The following RHOT1 variants were observed in gnomAD, a reference collection of about 807,000 sequenced individuals.
The protein encoded by RHOT1 is ras homolog family member T1.
Under a neutral mutation model 95.3 loss-of-function variants are expected in RHOT1, and 27 were observed. The ratio of observed to expected loss-of-function variants is 0.28; its 90% CI spans 0.21 to 0.39. RHOT1 has a LOEUF of 0.39. Among genes scored for constraint, RHOT1 ranks in the 10% least tolerant of loss-of-function variants. RHOT1 has a pLI of 1.00. For missense variants in RHOT1, 578 were observed against 786.7 expected (o/e 0.73, Z 3.17); for synonymous variants, 227 against 263.5 (o/e 0.86, Z 1.34).
chr17:32,185,599 G>A (rs994815184), intron 8 of RHOT1, among the ~76,000 whole-genome samples: 1 of 151,726 alleles, frequency 6.6e-6, no homozygotes, highest in African/African-American at 2.4e-5. Context: ...TAGAAGATGG[G>A]GTTTCACCAT....
chr17:32,194,257 C>A, intron 11 of RHOT1, 150 bp downstream of exon 11: 1 of 733,450 alleles, frequency 1.4e-6, no homozygotes, highest in Non-Finnish European at 2.3e-6. Context: ...AGGCATTGAG[C>A]CATGCCCAGT....
rs191457576 is a variant in RHOT1 at position 32,206,984 on chromosome 17, T to C, written c.1491T>C (p.Asp497=). ...IICDVVCLVY[D]VSNPKSFEYC... ...GTGATGTTGTATGCCTGGTATATGA[T>C]GTCAGCAATCCCAAATCCTTTGAAT... The change falls in exon 17 of 20, where the codon GAT becomes GAC. Residue 497 remains aspartate, a synonymous_variant. Coordinates refer to ENST00000545287, the MANE Select transcript of RHOT1 (RefSeq NM_001033566.3). 1.9e-6 allele frequency: 3 copies of C among 1,613,302 alleles called. No homozygotes were observed. The highest frequency in any genetic ancestry group is 2.2e-5 in the East Asian group (1 of 44,818).
intron 15 of RHOT1, among the ~76,000 whole-genome samples, chr17:32,203,135 A>T (rs988441160): frequency 3.3e-5 from 5 of 152,106 alleles, no homozygotes; most frequent in African/African-American, 9.7e-5. Flanking sequence ...ATGACTACAG[A>T]TGTGAAAGCA....
At chr17:32,204,085 A>ATT in intron 16 of RHOT1, 112 bp downstream of exon 16, 4 of 676,586 alleles carry the variant, frequency 5.9e-6, no homozygotes, top group Non-Finnish European at 7.2e-6. Flanking sequence ...CTTCTGTGTG[A>ATT]TTTTTTTTTT....
intron 16 of RHOT1, among the ~76,000 whole-genome samples, chr17:32,206,135 A>G (rs1196679774): frequency 6.7e-6 from 1 of 148,752 alleles, no homozygotes; most frequent in East Asian, 2.0e-4. Flanking sequence ...TAAACAATGC[A>G]TGTAGAGGGC....
chr17:32,203,838 A>G (rs2037502451), intron 15 of RHOT1, 52 bp from the exon 16 acceptor site: 4 of 1,273,472 alleles, frequency 3.1e-6, no homozygotes, highest in Admixed American at 3.4e-5. Context: ...ATGTTTGTAT[A>G]TTGTTGAAAA....
chr17:32,219,177 T>A (rs1478541520), intron 19 of RHOT1, among the ~76,000 whole-genome samples: 5 of 152,188 alleles, frequency 3.3e-5, no homozygotes, highest in Non-Finnish European at 7.3e-5. Flanking sequence ...TAAAAATGAC[T>A]CTCTGGAGCT....
At chr17:32,162,303 A>G (rs556232633) in intron 1 of RHOT1, among the ~76,000 whole-genome samples, 4 of 152,338 alleles carry the variant, frequency 2.6e-5, no homozygotes, top group African/African-American at 7.2e-5. Flanking sequence ...CACTCCTATC[A>G]TATAGGAAAT....
intron 13 of RHOT1, among the ~76,000 whole-genome samples, chr17:32,200,378 G>A (rs1005270758): frequency 5.9e-5 from 9 of 151,994 alleles, no homozygotes; most frequent in African/African-American, 2.2e-4. Context: ...GCTTATGTTT[G>A]TAAGCTTAGT....
rs113030149 is a variant in RHOT1, at chr17:32,165,331, C to T, written c.38-5712C>T. 6.0e-3 allele frequency among the ~76,000 whole-genome samples: 698 copies of T among 115,584 alleles called. 11 individuals are homozygous for T. Among genetic ancestry groups the T allele is most frequent in the African/African-American group, 0.023 (628 of 27,908 alleles). 75.8% of individuals were successfully genotyped at this position (115,584 alleles called of 152,430 possible). On this transcript the variant is annotated intron_variant, in intron 1 of 19. Coordinates refer to ENST00000545287, the MANE Select transcript of RHOT1 (RefSeq NM_001033566.3). ...CAGCCTGGGCGACAGAGCAAGACTC[C>T]GTCTCAAAAAAAAAAAAAAAAAAAA...
intron 6 of RHOT1, among the ~76,000 whole-genome samples, chr17:32,182,127 T>A (rs2035684977): frequency 6.6e-6 from 1 of 152,214 alleles, no homozygotes; most frequent in Non-Finnish European, 1.5e-5. Flanking sequence ...CCTATTTATT[T>A]CCTGCATAGT....
chr17:32,142,643 G>C lies in RHOT1; in HGVS notation c.-50G>C, dbSNP rs893173993. The stretch of plus-strand genomic sequence containing the variant: ...GTGGGGTGGGTGCTCCTGGTGAGAG[G>C]AGTCCACTCCGTGCGTGCGGGCGGA... On this transcript the variant is annotated 5_prime_UTR_variant, in exon 1 of 20. Transcript: ENST00000545287. 4.8e-5 allele frequency: 72 copies of C among 1,489,546 alleles called. No homozygotes were observed. The highest frequency in any genetic ancestry group is 6.0e-5 in the Non-Finnish European group (67 of 1,121,484). The allele number at this position is 1,489,546 out of a possible 1,614,324, so 92.3% of individuals were successfully genotyped here. A position where few individuals can be genotyped will look rare whatever the true frequency, so the allele number is the denominator to read the frequency against.
chr17:32,214,383 GA>G (rs1762618321), intron 19 of RHOT1, among the ~76,000 whole-genome samples: 1 of 152,154 alleles, frequency 6.6e-6, no homozygotes, highest in Non-Finnish European at 1.5e-5. Context: ...GCTTTGGTGT[GA>G]AATTTCCAGA....
At chr17:32,183,339 G>A in intron 8 of RHOT1, 67 bp downstream of exon 8, 1 of 856,886 alleles carries the variant, frequency 1.2e-6, no homozygotes, top group South Asian at 3.7e-5. Context: ...GTGATTTTTA[G>A]TAACTCTTAA....
intron 1 of RHOT1, among the ~76,000 whole-genome samples, chr17:32,153,486 C>T (rs548209854): frequency 2.0e-5 from 3 of 152,136 alleles, no homozygotes; most frequent in African/African-American, 7.2e-5. Flanking sequence ...TAATGAGAAC[C>T]TATCTGTACA....
intron 19 of RHOT1, among the ~76,000 whole-genome samples, chr17:32,221,370 C>CA (rs397805349): frequency 0.032 from 2,165 of 67,742 alleles, 27 homozygotes; most frequent in African/African-American, 0.078. Flanking sequence ...TCGTCTGTCT[C>CA]AAAAAAAAAA....
intron 1 of RHOT1, among the ~76,000 whole-genome samples, chr17:32,146,065 A>C (rs959382489): frequency 6.6e-6 from 1 of 152,196 alleles, no homozygotes; most frequent in Admixed American, 6.5e-5. Flanking sequence ...CTTAGAATAA[A>C]GTCCAAACTT....
intron 17 of RHOT1, 101 bp from the exon 18 acceptor site, chr17:32,208,006 C>A: frequency 9.7e-7 from 1 of 1,026,426 alleles, no homozygotes; most frequent in Non-Finnish European, 1.5e-6. Context: ...TTTGAAACTA[C>A]TGTTGCTTTG....
intron 19 of RHOT1, chr17:32,222,932 G>A: frequency 1.0e-6 from 1 of 963,626 alleles, no homozygotes; most frequent in Non-Finnish European, 1.2e-6. Flanking sequence ...GGCCTCGTTG[G>A]AGTTTTTCCA....
Sources: allele counts gnomAD v4.1 joint callset (sites outside exome capture counted in the v4.1 genomes callset), GRCh38; gene constraint gnomAD v4.1.1; transcripts MANE v1.5; gene names NCBI Gene and HGNC (gene_info 2026-07-23, HGNC 2026-07-21).